Variants in KDM6A observed in about 807,000 individuals in gnomAD.
KDM6A encodes lysine-specific demethylase 6A.
Under a neutral mutation model 117.6 loss-of-function variants are expected in KDM6A, and 11 were observed. That is an observed-to-expected ratio of 0.09 (90% CI 0.06 to 0.15). KDM6A has a LOEUF of 0.15. Among genes scored for constraint, KDM6A ranks in the 10% least tolerant of loss-of-function variants. The pLI, the probability that KDM6A is intolerant of heterozygous loss-of-function variation, is 1.00. For missense variants in KDM6A, 799 were observed against 1,077.3 expected (o/e 0.74, Z 3.62); for synonymous variants, 384 against 396.1 (o/e 0.97, Z 0.36).
At chrX:45,003,705 C>T (rs1257417333) in intron 4 of KDM6A, among the ~76,000 whole-genome samples, 1 of 109,700 alleles carries the variant, frequency 9.1e-6, no homozygotes, top group African/African-American at 3.3e-5. Context: ...TTATCTCTCT[C>T]TCTCTCTTTC....
intron 2 of KDM6A, among the ~76,000 whole-genome samples, chrX:44,898,738 C>T (rs962475469): frequency 5.4e-5 from 6 of 111,187 alleles, no homozygotes; most frequent in African/African-American, 2.0e-4. Flanking sequence ...TTGCCACTAA[C>T]CCAACAGGGG....
chrX:44,968,420 C>T (rs1449049642), intron 3 of KDM6A, among the ~76,000 whole-genome samples: 3 of 112,322 alleles, frequency 2.7e-5, no homozygotes, highest in Non-Finnish European at 5.6e-5. Context: ...CATGAACCTC[C>T]GAAGCCAAAT....
chrX:44,984,096 T>C (rs767259209), intron 4 of KDM6A, among the ~76,000 whole-genome samples: 19 of 110,117 alleles, frequency 1.7e-4, no homozygotes, highest in Admixed American at 6.7e-4. Context: ...TTTTAATGAT[T>C]GCCATTCTAA....
In KDM6A at chrX:45,091,329, A is replaced by G. The variant is rs191608473; in HGVS notation, c.4034+465A>G. Among the ~76,000 whole-genome samples, 201 of 111,979 alleles carry G rather than the reference A, an allele frequency of 1.8e-3. 1 individual carries two copies. Among genetic ancestry groups the G allele is most frequent in the African/African-American group, 5.9e-3 (183 of 30,872 alleles). ...TCTGAGCTACTTAAAAAAATTTAGT[A>G]TAAGTTATATAAATTCTTACCTAGG... On this transcript the variant is annotated intron_variant, in intron 27 of 29. Transcript: ENST00000611820.
rs182746735 is a variant in KDM6A, at chrX:44,921,618, T to C, written c.226-39666T>C. ...GGTGGCATAGTCTCCTTGTTGTTCA[T>C]CCAAATTACTGTGTATATTAGTAGT... On this transcript the variant is annotated intron_variant, in intron 2 of 29. Transcript: ENST00000611820. Among the ~76,000 whole-genome samples, 334 of 111,658 alleles carry C rather than the reference T, an allele frequency of 3.0e-3. 1 individual carries two copies. Among genetic ancestry groups the C allele is most frequent in the African/African-American group, 0.01 (314 of 30,776 alleles).
intron 27 of KDM6A, among the ~76,000 whole-genome samples, chrX:45,096,243 A>G (rs979620581): frequency 8.1e-5 from 9 of 111,706 alleles, no homozygotes; most frequent in Non-Finnish European, 1.1e-4. Flanking sequence ...TTAGGCTTTC[A>G]TAGTTAAGTG....
At chrX:45,067,147 A>ACC (rs1382114054) in intron 17 of KDM6A, among the ~76,000 whole-genome samples, 2 of 112,255 alleles carry the variant, frequency 1.8e-5, no homozygotes, top group East Asian at 5.6e-4. Flanking sequence ...CAACTGGTAG[A>ACC]CCTATATGGT....
At chrX:44,923,880 G>A (rs186308173) in intron 2 of KDM6A, among the ~76,000 whole-genome samples, 59 of 110,986 alleles carry the variant, frequency 5.3e-4, no homozygotes, top group Non-Finnish European at 9.8e-4. Flanking sequence ...CTGCCACCTC[G>A]CCTGGCTAAT....
At chrX:44,925,009 T>A (rs1317942561) in intron 2 of KDM6A, among the ~76,000 whole-genome samples, 6 of 111,720 alleles carry the variant, frequency 5.4e-5, no homozygotes, top group Non-Finnish European at 1.1e-4. Context: ...TTTAAGAAAA[T>A]TTTTAAATTT....
chrX:45,036,619 C>A (rs992959173), intron 7 of KDM6A, among the ~76,000 whole-genome samples: 1 of 111,891 alleles, frequency 8.9e-6, no homozygotes, highest in Non-Finnish European at 1.9e-5. Context: ...TTAATTTATA[C>A]CTTTTTCTTA....
chrX:44,986,271 T>G (rs1475095498), intron 4 of KDM6A, among the ~76,000 whole-genome samples: 2 of 112,042 alleles, frequency 1.8e-5, no homozygotes, highest in Non-Finnish European at 3.8e-5. Context: ...TTTATCATTT[T>G]TTATTGCGTC....
chrX:45,065,659 A>C (rs1239310699), intron 17 of KDM6A, among the ~76,000 whole-genome samples: 1 of 112,003 alleles, frequency 8.9e-6, no homozygotes, highest in Non-Finnish European at 1.9e-5. Flanking sequence ...GTGAGAAAGG[A>C]GTCCCAGCTG....
chrX:44,998,295 T>C (rs2040964350), intron 4 of KDM6A, among the ~76,000 whole-genome samples: 1 of 111,467 alleles, frequency 9.0e-6, no homozygotes, highest in Non-Finnish European at 1.9e-5. Context: ...ATGAACTCTG[T>C]GAATAGAAGG....
intron 2 of KDM6A, among the ~76,000 whole-genome samples, chrX:44,940,643 G>A (rs2037252809): frequency 9.0e-6 from 1 of 111,677 alleles, no homozygotes; most frequent in Admixed American, 9.5e-5. Flanking sequence ...ATTCTTTCGA[G>A]TCAAAGTGAT....
At chrX:44,931,693 C>G (rs1160029518) in intron 2 of KDM6A, among the ~76,000 whole-genome samples, 1 of 111,209 alleles carries the variant, frequency 9.0e-6, no homozygotes, top group East Asian at 2.8e-4. Context: ...AGGTAGGTGT[C>G]AAGGGCTGGG....
chrX:45,004,867 A>G (rs912478282), intron 4 of KDM6A, among the ~76,000 whole-genome samples: 40 of 110,933 alleles, frequency 3.6e-4, no homozygotes, highest in African/African-American at 1.2e-3. Context: ...TGAAAAGAGG[A>G]TGCCCAAGAT....
chrX:45,006,505 C>A (rs188168384), intron 4 of KDM6A, among the ~76,000 whole-genome samples: 21 of 110,538 alleles, frequency 1.9e-4, no homozygotes, highest in African/African-American at 6.6e-4. Context: ...ACACGTAGCC[C>A]CTACTGCTGT....
intron 6 of KDM6A, among the ~76,000 whole-genome samples, chrX:45,027,375 G>A (rs1215614014): frequency 1.0e-5 from 1 of 97,207 alleles, no homozygotes; most frequent in Non-Finnish European, 1.9e-5. Flanking sequence ...ACACCCGCCC[G>A]TCTCTTAAAG....
At chrX:45,071,430 A>T (rs1226738979) in intron 18 of KDM6A, among the ~76,000 whole-genome samples, 1 of 111,926 alleles carries the variant, frequency 8.9e-6, no homozygotes, top group African/African-American at 3.2e-5. Context: ...TATATGTCTT[A>T]TTTATTGTTA....
Sources: gnomAD v4.1 joint callset for allele counts (sites outside exome capture counted in the v4.1 genomes callset) on GRCh38, gnomAD v4.1.1 for gene constraint, MANE v1.5 for transcripts, NCBI Gene and HGNC (gene_info 2026-07-23, HGNC 2026-07-21) for gene names.